The following CERKL variants were observed in gnomAD, a reference collection of about 807,000 sequenced individuals.
CERKL encodes the protein ceramide kinase-like protein.
A neutral mutation model predicts 63.4 loss-of-function variants in CERKL; 61 were observed. The observed-to-expected ratio is 0.96, with a 90% CI of 0.78 to 1.19. The LOEUF (loss-of-function observed/expected upper bound fraction) is 1.19, where lower values mean the gene tolerates loss of function less well. Among genes scored for constraint, CERKL ranks in the 50% most tolerant of loss-of-function variants. CERKL has a pLI of 0.00. For synonymous variants in CERKL, 250 were observed against 230.5 expected, an observed-to-expected ratio of 1.08 and a Z score of -0.77; for missense variants, 675 against 655.5, an observed-to-expected ratio of 1.03 and a Z score of -0.33.
chr2:181,544,664 GC>G (rs1687647623), intron 11 of CERKL, 35 bp downstream of exon 11: 1 of 1,215,138 alleles, frequency 8.2e-7, no homozygotes, highest in Non-Finnish European at 1.2e-6. Context: ...ATGATTAATA[GC>G]TTTGCAAATA....
intron 1 of CERKL, among the ~76,000 whole-genome samples, chr2:181,627,151 G>A (rs1686743465): frequency 6.6e-6 from 1 of 152,124 alleles, no homozygotes; most frequent in Non-Finnish European, 1.5e-5. Flanking sequence ...AGGATTTGAG[G>A]TTGATTAAAT....
At chr2:181,557,337 T>A (rs909239287) in intron 5 of CERKL, among the ~76,000 whole-genome samples, 1 of 152,190 alleles carries the variant, frequency 6.6e-6, no homozygotes, top group South Asian at 2.1e-4. Flanking sequence ...CTGAATGGTA[T>A]TGCCTAGGTT....
chr2:181,580,540 T>A (rs1378538590), intron 2 of CERKL, among the ~76,000 whole-genome samples: 1 of 152,130 alleles, frequency 6.6e-6, no homozygotes, highest in Admixed American at 6.5e-5. Flanking sequence ...ACCAGAAAAA[T>A]TTGACTAATA....
Position 181,573,621 on chromosome 2 carries a change from T to C in CERKL, c.613+132A>G, listed in dbSNP as rs905686832. On this transcript the variant is annotated intron_variant, in intron 3 of 12. Transcript: ENST00000410087. ...ATTATAACCCTCGAGCTGGCTGCAG[T>C]AGGTTATGAAGACGTAAAAATGCTA... The C allele has an allele frequency of 2.1e-5, 12 of 580,650 alleles. No individual in the cohort carries two copies. In the Admixed American group the frequency reaches 3.1e-4, roughly 15 times the overall value. 36.0% of individuals were successfully genotyped at this position (580,650 alleles called of 1,614,324 possible). A position where few individuals can be genotyped will look rare whatever the true frequency, so the allele number is the denominator to read the frequency against.
Position 181,573,789 on chromosome 2 carries a change from G to C in CERKL, c.577C>G (p.Leu193Val). 6.2e-7 allele frequency: 1 copy of C among 1,612,252 alleles called. No individual in the cohort carries two copies. The highest frequency in any genetic ancestry group is 8.5e-7 in the Non-Finnish European group (1 of 1,178,788). Residue 193 changes from leucine to valine, a missense_variant, in exon 3 of 13, where the codon CTG becomes GTG. Coordinates refer to ENST00000410087, the MANE Select transcript of CERKL (RefSeq NM_201548.5). ...TQVYYEKVEP[L>V]LKLAGIKTDV... ...GTTTTTATTCCTGCAAGCTTCAACA[G>C]AGGTTCAACCTTCTCATAATAAACC...
Position 181,548,445 on chromosome 2 carries a change from A to G in CERKL, c.1133+100T>C, listed in dbSNP as rs546890457. On this transcript the variant is annotated intron_variant, in intron 8 of 12. Transcript: ENST00000410087. ...ATTCTATATTCTTTACTACTATGTT[A>G]GAAAAATAACCAAAGATCCTAAGTC... The G allele has an allele frequency of 3.2e-6, 3 of 923,378 alleles. No homozygotes were observed. In the African/African-American group the frequency reaches 4.9e-5, roughly 15 times the overall value. 57.2% of individuals were successfully genotyped at this position (923,378 alleles called of 1,614,324 possible). A position where few individuals can be genotyped will look rare whatever the true frequency, so the allele number is the denominator to read the frequency against.
intron 2 of CERKL, among the ~76,000 whole-genome samples, chr2:181,579,913 T>G (rs1435936372): frequency 6.6e-6 from 1 of 151,918 alleles, no homozygotes; most frequent in Admixed American, 6.5e-5. Context: ...GATCTCTTTC[T>G]GCACTGCCCA....
Position 181,548,774 on chromosome 2 carries a change from CA to C in CERKL, c.978del (p.Phe326LeufsTer69). On this transcript the variant is annotated frameshift_variant, in exon 7 of 13. Transcript: ENST00000410087. LOFTEE classifies it high-confidence loss of function. ...TCTGCCAGAGCCAAAGTTCTTCCAC[CA>C]AAGCCAAACATGGCTGAGAACCCAA... ...LRFGFSAMFG[F>X]GGRTLALAEK... 1 of 1,614,030 alleles carries C rather than the reference CA, an allele frequency of 6.2e-7. No homozygotes were observed. Among genetic ancestry groups the C allele is most frequent in the Non-Finnish European group, 8.5e-7 (1 of 1,179,952 alleles).
chr2:181,542,643 A>T (rs955472346), intron 11 of CERKL, among the ~76,000 whole-genome samples: 19 of 152,154 alleles, frequency 1.2e-4, no homozygotes, highest in African/African-American at 3.8e-4. Context: ...AAAAAAAAAA[A>T]ATAGCATGGA....
chr2:181,617,018 A>G (rs1483523779), intron 1 of CERKL, among the ~76,000 whole-genome samples: 2 of 152,194 alleles, frequency 1.3e-5, no homozygotes, highest in Non-Finnish European at 2.9e-5. Flanking sequence ...TAACATTTGC[A>G]CTAAAGGTAC....
intron 1 of CERKL, among the ~76,000 whole-genome samples, chr2:181,620,021 C>T (rs1167875479): frequency 2.0e-5 from 3 of 152,140 alleles, no homozygotes; most frequent in East Asian, 1.9e-4. Context: ...CGAGGCACTT[C>T]TTTGTGTATA....
chr2:181,620,499 G>C (rs898044311), intron 1 of CERKL, among the ~76,000 whole-genome samples: 3 of 152,126 alleles, frequency 2.0e-5, no homozygotes, highest in African/African-American at 7.2e-5. Context: ...TTGATCATAA[G>C]ATGACAAAAA....
chr2:181,544,896 A>C, intron 10 of CERKL, 100 bp from the exon 11 acceptor site: 1 of 672,830 alleles, frequency 1.5e-6, no homozygotes, highest in Non-Finnish European at 2.6e-6. Context: ...CTGTTTACTG[A>C]AAGTATTGGA....
At chr2:181,614,247 A>G (rs1463656808) in intron 1 of CERKL, among the ~76,000 whole-genome samples, 4 of 152,246 alleles carry the variant, frequency 2.6e-5, no homozygotes, top group Admixed American at 2.6e-4. Flanking sequence ...TCAAGGTTCT[A>G]GAGATCATCT....
chr2:181,555,783 C>T (rs1310462036), intron 5 of CERKL, among the ~76,000 whole-genome samples: 5 of 144,118 alleles, frequency 3.5e-5, no homozygotes, highest in Admixed American at 7.2e-5. Context: ...GAGACAGCCT[C>T]GCTCTGTCGC....
intron 1 of CERKL, among the ~76,000 whole-genome samples, chr2:181,636,862 T>A (rs909651944): frequency 6.6e-6 from 1 of 152,200 alleles, no homozygotes; most frequent in Admixed American, 6.5e-5. Context: ...GCATTTATAA[T>A]GCTCTGTAAG....
rs532995573 is a variant in CERKL, at chr2:181,550,622, G to A, written c.821-914C>T. The stretch of plus-strand genomic sequence containing the variant: ...GCATGTGGTGTGTTCCGGTTATGAA[G>A]GCAAAGACCAGTCCTCTGGATTTTG... On this transcript the variant is annotated intron_variant, in intron 5 of 12. Coordinates refer to ENST00000410087, the MANE Select transcript of CERKL (RefSeq NM_201548.5). This position sits in a 1 kb window ranked among gnomAD's most constrained non-coding sequence, Gnocchi z 4.5. Among the ~76,000 whole-genome samples the A allele has an allele frequency of 6.6e-6, 1 of 152,240 alleles. No homozygotes were observed. Among genetic ancestry groups the A allele is most frequent in the East Asian group, 1.9e-4 (1 of 5,192 alleles).
intron 6 of CERKL, 48 bp downstream of exon 6, chr2:181,549,586 A>G (rs897797594): frequency 2.2e-6 from 3 of 1,375,644 alleles, no homozygotes; most frequent in Middle Eastern, 1.9e-4. Flanking sequence ...TCCTTATATA[A>G]ATCAACATTT....
At chr2:181,587,297 T>G (rs1004997176) in intron 2 of CERKL, among the ~76,000 whole-genome samples, 2 of 152,188 alleles carry the variant, frequency 1.3e-5, no homozygotes, top group Non-Finnish European at 2.9e-5. Context: ...ATATCTCTGT[T>G]TCTAATAGCT....
Sources: allele counts gnomAD v4.1 joint callset (sites outside exome capture counted in the v4.1 genomes callset), GRCh38; gene constraint gnomAD v4.1.1; non-coding constraint Gnocchi (gnomAD v3.1); transcripts MANE v1.5; gene names NCBI Gene and HGNC (gene_info 2026-07-23, HGNC 2026-07-21).